Variants in PTPN4 observed in about 807,000 individuals in gnomAD.
The protein encoded by PTPN4 is protein tyrosine phosphatase non-receptor type 4.
A neutral mutation model predicts 135.5 loss-of-function variants in PTPN4; 49 were observed. That is an observed-to-expected ratio of 0.36 (90% CI 0.29 to 0.46). PTPN4 has a LOEUF of 0.46. Ranked by LOEUF, PTPN4 falls within the 20% of genes least tolerant of loss-of-function variation. PTPN4 has a pLI of 1.00. For missense variants in PTPN4, 860 were observed against 1,101.0 expected (o/e 0.78, Z 3.10); for synonymous variants, 333 against 369.9 (o/e 0.90, Z 1.14).
intron 23 of PTPN4, 98 bp downstream of exon 23, chr2:119,961,051 C>T (rs1226412949): frequency 3.8e-6 from 5 of 1,315,780 alleles, no homozygotes; most frequent in Non-Finnish European, 4.1e-6. Context: ...GCCTTTGTAA[C>T]CTTTAATCTT....
chr2:119,934,687 C>T (rs935744290), intron 14 of PTPN4, 113 bp from the exon 15 acceptor site: 3 of 1,047,984 alleles, frequency 2.9e-6, no homozygotes, highest in African/African-American at 1.6e-5. Flanking sequence ...GCTTAGTCAA[C>T]ATGGCTTGAC....
chr2:119,969,124 A>G (rs1021065631), intron 26 of PTPN4, among the ~76,000 whole-genome samples: 1 of 151,954 alleles, frequency 6.6e-6, no homozygotes, highest in African/African-American at 2.4e-5. Flanking sequence ...CCCAAGCTTA[A>G]GCAATCCTCC....
At chr2:119,882,785 G>A (rs1375385851) in intron 8 of PTPN4, among the ~76,000 whole-genome samples, 162 bp downstream of exon 8, 1 of 152,004 alleles carries the variant, frequency 6.6e-6, no homozygotes, top group Non-Finnish European at 1.5e-5. Flanking sequence ...GCTAAAAAAC[G>A]ATTTCATAGA....
rs1679704901 is a variant in PTPN4, at chr2:119,982,110, C to G, written c.*5040C>G. The G allele has an allele frequency of 6.6e-6, 1 of 152,140 alleles. No homozygotes were observed. The highest frequency in any genetic ancestry group is 1.5e-5 in the Non-Finnish European group (1 of 68,000). 9.4% of individuals were successfully genotyped at this position (152,140 alleles called of 1,614,324 possible). ...TTTAGGGGAAAGTTCAAAGGTTTAACTTCCTGAAACCTTTTAAACTTTTCA... is the reference window on the plus strand; with the variant it reads ...TTTAGGGGAAAGTTCAAAGGTTTAAGTTCCTGAAACCTTTTAAACTTTTCA... On this transcript the variant is annotated 3_prime_UTR_variant, in exon 27 of 27. Coordinates refer to ENST00000263708, the MANE Select transcript of PTPN4 (RefSeq NM_002830.4).
At chr2:119,914,638 T>C (rs1045007118) in intron 10 of PTPN4, among the ~76,000 whole-genome samples, 14 of 152,160 alleles carry the variant, frequency 9.2e-5, no homozygotes, top group African/African-American at 3.1e-4. Flanking sequence ...ATTACCCTTA[T>C]GTCTTAAAGT....
At chr2:119,799,196 C>G (rs541228698) in intron 1 of PTPN4, among the ~76,000 whole-genome samples, 1 of 152,196 alleles carries the variant, frequency 6.6e-6, no homozygotes, top group Non-Finnish European at 1.5e-5. Context: ...ATTGTAGTAG[C>G]AAAGTTCAAA....
chr2:119,937,319 A>G (rs895554528), intron 15 of PTPN4, among the ~76,000 whole-genome samples: 1 of 152,098 alleles, frequency 6.6e-6, no homozygotes, highest in Admixed American at 6.5e-5. Context: ...ATGTAATGAA[A>G]TAGATTTTTT....
chr2:119,960,156 G>T (rs1189314800), intron 22 of PTPN4, among the ~76,000 whole-genome samples: 1 of 152,118 alleles, frequency 6.6e-6, no homozygotes, highest in Non-Finnish European at 1.5e-5. Flanking sequence ...AATGGGAGAA[G>T]AGACTTTCTT....
intron 15 of PTPN4, among the ~76,000 whole-genome samples, chr2:119,935,538 G>A (rs1678969991): frequency 6.6e-6 from 1 of 152,070 alleles, no homozygotes; most frequent in Non-Finnish European, 1.5e-5. Flanking sequence ...GACTGGCTGA[G>A]CTATCAAAAC....
At chr2:119,845,060 G>A (rs1009157286) in intron 2 of PTPN4, among the ~76,000 whole-genome samples, 2 of 149,380 alleles carry the variant, frequency 1.3e-5, no homozygotes, top group African/African-American at 2.5e-5. Flanking sequence ...AGACCGGCCC[G>A]GCCAACACAG....
At chr2:119,943,580 CTTTTTTTTT>C (rs70949374) in intron 15 of PTPN4, among the ~76,000 whole-genome samples, 13 of 79,918 alleles carry the variant, frequency 1.6e-4, no homozygotes, top group African/African-American at 3.5e-4. Context: ...TCATTTTTTT[CTTTTTTTTT>C]TTTTTTTTTT....
chr2:119,785,833 C>T (rs1691036983), intron 1 of PTPN4, among the ~76,000 whole-genome samples: 2 of 151,998 alleles, frequency 1.3e-5, no homozygotes, highest in African/African-American at 4.8e-5. Flanking sequence ...AGAGAGCAAT[C>T]AGAAGTTTTC....
chr2:119,909,598 A>G (rs1298067982), intron 10 of PTPN4, among the ~76,000 whole-genome samples: 2 of 152,180 alleles, frequency 1.3e-5, no homozygotes, highest in Non-Finnish European at 2.9e-5. Context: ...TTGACTTTCA[A>G]ATCTTTTTTA....
At chr2:119,918,253 G>A (rs185848208) in intron 11 of PTPN4, among the ~76,000 whole-genome samples, 3 of 152,096 alleles carry the variant, frequency 2.0e-5, no homozygotes, top group Non-Finnish European at 4.4e-5. Context: ...TTAGTCACAG[G>A]AAATATCTTA....
chr2:119,803,575 G>T (rs1257619836), intron 1 of PTPN4, among the ~76,000 whole-genome samples: 3 of 151,984 alleles, frequency 2.0e-5, no homozygotes, highest in Non-Finnish European at 4.4e-5. Context: ...TTGTTTCTTA[G>T]CCCAGGATAT....
intron 19 of PTPN4, among the ~76,000 whole-genome samples, chr2:119,953,874 C>T (rs1679243846): frequency 6.6e-6 from 1 of 152,072 alleles, no homozygotes; most frequent in South Asian, 2.1e-4. Context: ...TGGCAAAGAC[C>T]CAGCCTTTTT....
chr2:119,973,397 C>T (rs1401579422), intron 26 of PTPN4, among the ~76,000 whole-genome samples: 1 of 152,084 alleles, frequency 6.6e-6, no homozygotes, highest in Non-Finnish European at 1.5e-5. Context: ...TATCAGTGGA[C>T]AGGGTTGCTT....
At chr2:119,881,887 T>A in intron 6 of PTPN4, 57 bp downstream of exon 6, 2 of 1,329,398 alleles carry the variant, frequency 1.5e-6, no homozygotes, top group Non-Finnish European at 2.1e-6. Flanking sequence ...AAATACTTTT[T>A]AAATCTGTGT....
intron 10 of PTPN4, among the ~76,000 whole-genome samples, chr2:119,913,554 C>G (rs1025439197): frequency 1.1e-4 from 16 of 152,136 alleles, no homozygotes; most frequent in African/African-American, 3.1e-4. Flanking sequence ...ACTCAGGAGG[C>G]TGAGGCAGGA....
Sources: gnomAD v4.1 joint callset for allele counts (sites outside exome capture counted in the v4.1 genomes callset) on GRCh38, gnomAD v4.1.1 for gene constraint, MANE v1.5 for transcripts, NCBI Gene and HGNC (gene_info 2026-07-23, HGNC 2026-07-21) for gene names.